ING5: variants seen among roughly 807,000 people sequenced by gnomAD.
The protein encoded by ING5 is inhibitor of growth family member 5, also known as inhibitor of growth protein 5.
A neutral mutation model predicts 37.4 loss-of-function variants in ING5; 17 were observed. The observed-to-expected ratio is 0.45, with a 90% confidence interval of 0.31 to 0.68. ING5 has a LOEUF of 0.68. Ranked by LOEUF, ING5 falls within the 30% of genes least tolerant of loss-of-function variation. The pLI is 0.05. For missense variants in ING5, 233 were observed against 311.9 expected (o/e 0.75, Z 1.91); for synonymous variants, 123 against 116.6 (o/e 1.06, Z -0.36).
In ING5 at chr2:241,711,493, GTC is replaced by G; in HGVS notation, c.388+7_388+8del. The G allele has an allele frequency of 6.3e-7, 1 of 1,584,886 alleles. No homozygotes were observed. The highest frequency in any genetic ancestry group is 8.6e-7 in the Non-Finnish European group (1 of 1,165,520). ...CCGGAGGGCGAGGGTTAAAAAGCAAGTCTGTTAATTTTTTTTCTTTATTTTAT... is the reference window on the plus strand; with the variant it reads ...CCGGAGGGCGAGGGTTAAAAAGCAAGTGTTAATTTTTTTTCTTTATTTTAT... On this transcript the variant is annotated splice_donor_region_variant and intron_variant, in intron 4 of 7. Transcript: ENST00000313552.
At chr2:241,710,121 T>A (rs1575128322) in intron 3 of ING5, among the ~76,000 whole-genome samples, 2 of 128,722 alleles carry the variant, frequency 1.6e-5, no homozygotes, top group African/African-American at 5.6e-5. Context: ...TATTATTATT[T>A]TTGAGATGGA....
In ING5 at chr2:241,725,216, GC is replaced by G. The variant is rs1691566852; in HGVS notation, c.*186del. 2 of 647,644 alleles carry G rather than the reference GC, an allele frequency of 3.1e-6. No individual in the cohort carries two copies. Among genetic ancestry groups the G allele is most frequent in the Non-Finnish European group, 5.5e-6 (2 of 365,814 alleles). The allele number at this position is 647,644 out of a possible 1,614,324, so 40.1% of individuals were successfully genotyped here. ...CCTGTTCGCACAGAAGGGCGACCTT[GC>G]AGGGACTCGCCGCCGCGACCTCAGT... On this transcript the variant is annotated 3_prime_UTR_variant, in exon 8 of 8. Transcript: ENST00000313552.
At chr2:241,719,778 C>T in intron 5 of ING5, 1 of 1,442,556 alleles carries the variant, frequency 6.9e-7, no homozygotes, top group Non-Finnish European at 9.0e-7. Flanking sequence ...ACTGTGGCCT[C>T]ATGGCTTTTC....
chr2:241,696,207 T>C (rs1400700922), intron 2 of ING5, among the ~76,000 whole-genome samples: 2 of 151,742 alleles, frequency 1.3e-5, no homozygotes, highest in East Asian at 3.9e-4. Flanking sequence ...CTGGCCAACA[T>C]AGTGAAACCC....
chr2:241,700,786 C>A (rs62191312), upstream of ING5, among the ~76,000 whole-genome samples: 840 of 150,732 alleles, frequency 5.6e-3, 1 homozygote, highest in Middle Eastern at 0.011. Flanking sequence ...CCACCACGCC[C>A]GGGTAATTTT....
chr2:241,692,408 G>A (rs185340108), intron 2 of ING5, among the ~76,000 whole-genome samples: 2 of 151,566 alleles, frequency 1.3e-5, no homozygotes, highest in East Asian at 1.9e-4. Context: ...TTCTGGTCTC[G>A]AGTGATCCTC....
At chr2:241,722,503 T>C in intron 5 of ING5, 1 of 985,410 alleles carries the variant, frequency 1.0e-6, no homozygotes, top group Non-Finnish European at 1.2e-6. Context: ...TCTCCACCCC[T>C]CTGCTGCCAG....
At chr2:241,711,727 C>T (rs1413321357) in intron 4 of ING5, 1 of 565,356 alleles carries the variant, frequency 1.8e-6, no homozygotes, top group East Asian at 3.0e-5. Flanking sequence ...ATAGCGAGAC[C>T]TCATCTCAAC....
At chr2:241,721,833 C>T (rs2070444101) in intron 5 of ING5, 1 of 985,396 alleles carries the variant, frequency 1.0e-6, no homozygotes, top group Admixed American at 6.1e-5. Flanking sequence ...ACAGGAAAGT[C>T]TCCACCTGAG....
At chr2:241,700,101 G>A (rs2069690111), upstream of ING5, among the ~76,000 whole-genome samples, 1 of 150,294 alleles carries the variant, frequency 6.7e-6, no homozygotes, top group South Asian at 2.1e-4. Flanking sequence ...TCCTTCCTCA[G>A]CCTCCTGGGT....
intron 5 of ING5, chr2:241,712,347 C>T (rs2070137165): frequency 5.5e-6 from 2 of 365,616 alleles, no homozygotes; most frequent in African/African-American, 2.1e-5. Flanking sequence ...ACTCCAGTGC[C>T]TGTCCTCTTA....
intron 2 of ING5, 105 bp from the exon 3 acceptor site, chr2:241,709,111 C>A: frequency 8.1e-7 from 1 of 1,241,604 alleles, no homozygotes; most frequent in Non-Finnish European, 1.1e-6. Context: ...TGTCAGCCTA[C>A]ATCTTTGCCA....
intron 2 of ING5, among the ~76,000 whole-genome samples, chr2:241,707,544 T>C (rs1484324952): frequency 3.3e-5 from 5 of 152,134 alleles, no homozygotes; most frequent in Non-Finnish European, 5.9e-5. Flanking sequence ...CCACCCGCCT[T>C]GGCCTCCCAA....
intron 2 of ING5, among the ~76,000 whole-genome samples, chr2:241,705,413 T>TTTTTTTTTTTC (rs2069878951): frequency 6.8e-6 from 1 of 147,654 alleles, no homozygotes. Context: ...TTTTTTTTTT[T>TTTTTTTTTTTC]TTGAGACAGA....
At chr2:241,689,456 G>A (rs1481245689) in intron 1 of ING5, among the ~76,000 whole-genome samples, 2 of 152,148 alleles carry the variant, frequency 1.3e-5, no homozygotes, top group Admixed American at 1.3e-4. Flanking sequence ...ACTTCCAAAT[G>A]GTAATGTAAA....
intron 5 of ING5, chr2:241,719,574 C>G (rs1299861788): frequency 1.8e-5 from 27 of 1,536,122 alleles, no homozygotes; most frequent in Non-Finnish European, 2.3e-5. Context: ...AAGTGGGACT[C>G]CTCCTGGTCT....
exon 1 of ING5, chr2:241,687,736 C>G (rs993450746): frequency 2.4e-5 from 4 of 164,122 alleles, no homozygotes; most frequent in African/African-American, 9.5e-5. Flanking sequence ...ACCGTGTTAG[C>G]CAGGATGGTC....
chr2:241,722,572 T>C (rs2070459006), intron 5 of ING5: 1 of 985,452 alleles, frequency 1.0e-6, no homozygotes, highest in Non-Finnish European at 1.2e-6. Flanking sequence ...GCTGACAATC[T>C]GTTCGTATAC....
chr2:241,703,465 A>G (rs1330206320), intron 1 of ING5, among the ~76,000 whole-genome samples: 1 of 152,156 alleles, frequency 6.6e-6, no homozygotes, highest in Non-Finnish European at 1.5e-5. Flanking sequence ...TCCTCCTGGC[A>G]GACTGTGGGG....
Sources: gnomAD v4.1 joint callset for allele counts (sites outside exome capture counted in the v4.1 genomes callset) on GRCh38, gnomAD v4.1.1 for gene constraint, MANE v1.5 for transcripts, NCBI Gene and HGNC (gene_info 2026-07-23, HGNC 2026-07-21) for gene names.